FNDC3A: variants seen among roughly 807,000 people sequenced by gnomAD.
The protein encoded by FNDC3A is fibronectin type III domain containing 3A, also known as fibronectin type-III domain-containing protein 3A.
A neutral mutation model predicts 148.9 loss-of-function variants in FNDC3A; 32 were observed. The observed-to-expected ratio is 0.21, with a 90% CI of 0.16 to 0.29. FNDC3A has a LOEUF of 0.29. Ranked by LOEUF, FNDC3A falls within the 10% of genes least tolerant of loss-of-function variation. FNDC3A has a pLI of 1.00. For missense variants in FNDC3A, 1,191 were observed against 1,452.8 expected (o/e 0.82, Z 2.93); for synonymous variants, 472 against 473.6 (o/e 1.00, Z 0.04).
intron 14 of FNDC3A, among the ~76,000 whole-genome samples, chr13:49,182,374 T>G (rs1376890472): frequency 6.6e-6 from 1 of 152,250 alleles, no homozygotes; most frequent in East Asian, 1.9e-4. Context: ...TCTAATTTCA[T>G]CTAATGGTTC....
At chr13:49,120,734 C>G (rs1881283033) in intron 4 of FNDC3A, among the ~76,000 whole-genome samples, 1 of 150,208 alleles carries the variant, frequency 6.7e-6, no homozygotes, top group Admixed American at 6.6e-5. Context: ...CAACAAAGAT[C>G]AAAAAAGACA....
chr13:49,029,379 A>G (rs533737912), intron 2 of FNDC3A, among the ~76,000 whole-genome samples: 14 of 152,326 alleles, frequency 9.2e-5, no homozygotes, highest in African/African-American at 3.4e-4. Context: ...ATGAACGAAA[A>G]CCATGATACA....
At chr13:49,130,805 G>C (rs553338320) in intron 4 of FNDC3A, among the ~76,000 whole-genome samples, 350 of 152,210 alleles carry the variant, frequency 2.3e-3, no homozygotes, top group Middle Eastern at 3.4e-3. Context: ...GTCTTGCTCT[G>C]TTGCCCAGGC....
At position 49,167,287 on chromosome 13, in the gene FNDC3A, A is replaced by G. The variant is rs1346977168; in HGVS notation, c.1021A>G (p.Met341Val). The change falls in exon 9 of 26, where the codon ATG (methionine) becomes GTG (valine). Residue 341 changes from methionine to valine, a missense_variant. Met to Val is a conservative substitution (Grantham distance 21). This residue lies in a region of FNDC3A where 426 missense variants were observed against 473.2 expected (regional missense o/e 0.90). Transcript: ENST00000492622. ...NITLNDLKPA[M>V]DYHAKVQAEY... ...CACTTTAAATGATCTCAAGCCAGCC[A>G]TGGATTACCATGCAAAGTAAGGAAT... The G allele has an allele frequency of 5.0e-6, 8 of 1,603,000 alleles. No individual in the cohort carries two copies. In the African/African-American group the frequency reaches 8.0e-5, roughly 16 times the overall value.
chr13:48,987,397 A>G (rs980115487), intron 1 of FNDC3A, among the ~76,000 whole-genome samples: 1 of 152,238 alleles, frequency 6.6e-6, no homozygotes, highest in Non-Finnish European at 1.5e-5. Context: ...CTTTTTGATC[A>G]AGATTTCCTT....
At chr13:49,098,495 C>A (rs1879668506) in intron 3 of FNDC3A, among the ~76,000 whole-genome samples, 1 of 152,114 alleles carries the variant, frequency 6.6e-6, no homozygotes, top group Non-Finnish European at 1.5e-5. Flanking sequence ...TAGTAATGTT[C>A]ACAACCTGCT....
chr13:49,120,753 A>G (rs764587559), intron 4 of FNDC3A, among the ~76,000 whole-genome samples: 29 of 152,212 alleles, frequency 1.9e-4, no homozygotes, highest in Non-Finnish European at 4.0e-4. Flanking sequence ...CAAGAAGGGT[A>G]TTACATAATG....
intron 3 of FNDC3A, among the ~76,000 whole-genome samples, chr13:49,100,032 A>G (rs1879766525): frequency 6.6e-6 from 1 of 152,148 alleles, no homozygotes; most frequent in African/African-American, 2.4e-5. Context: ...AAATTTTTCA[A>G]TTAAATACCA....
At chr13:49,176,656 C>A (rs1396544441) in intron 13 of FNDC3A, among the ~76,000 whole-genome samples, 2 of 151,882 alleles carry the variant, frequency 1.3e-5, no homozygotes, top group African/African-American at 2.4e-5. Context: ...GAAAAAAAAA[C>A]ATTTTAGTGT....
At chr13:49,008,558 T>C (rs1364812386) in intron 2 of FNDC3A, among the ~76,000 whole-genome samples, 4 of 152,204 alleles carry the variant, frequency 2.6e-5, no homozygotes, top group African/African-American at 9.6e-5. Context: ...ATGATTTCTC[T>C]TCTACTCTTG....
chr13:49,043,734 A>G (rs1341643173), intron 2 of FNDC3A, among the ~76,000 whole-genome samples: 3 of 151,992 alleles, frequency 2.0e-5, no homozygotes, highest in African/African-American at 7.3e-5. Context: ...TATAATTTAT[A>G]TTTACAACCC....
intron 14 of FNDC3A, among the ~76,000 whole-genome samples, chr13:49,183,140 ACTCAT>A: frequency 1.3e-5 from 2 of 152,062 alleles, no homozygotes; most frequent in Middle Eastern, 6.8e-3. Flanking sequence ...CAGATTAACT[ACTCAT>A]CTCTCCCTGA....
intron 2 of FNDC3A, among the ~76,000 whole-genome samples, chr13:49,011,445 G>T (rs1952343406): frequency 6.6e-6 from 1 of 152,132 alleles, no homozygotes; most frequent in Non-Finnish European, 1.5e-5. Context: ...TGTTGGCCAA[G>T]CTGATCTCGA....
At chr13:49,164,348 A>G (rs1470185968) in intron 8 of FNDC3A, among the ~76,000 whole-genome samples, 3 of 152,204 alleles carry the variant, frequency 2.0e-5, no homozygotes, top group East Asian at 3.8e-4. Flanking sequence ...CAGTTTGACT[A>G]TAATTTCATG....
intron 3 of FNDC3A, among the ~76,000 whole-genome samples, chr13:49,101,689 A>C (rs1879863449): frequency 6.6e-6 from 1 of 151,582 alleles, no homozygotes; most frequent in Non-Finnish European, 1.5e-5. Context: ...GTAGCTGTTC[A>C]TTTTGCAACT....
intron 1 of FNDC3A, among the ~76,000 whole-genome samples, chr13:48,993,657 T>C (rs898690890): frequency 2.0e-5 from 3 of 152,190 alleles, no homozygotes; most frequent in African/African-American, 4.8e-5. Context: ...AGGGGTGAAG[T>C]ATACTGATGT....
At chr13:49,207,047 C>G (rs377067324) in intron 25 of FNDC3A, 34 bp from the exon 26 acceptor site, 26 of 1,506,040 alleles carry the variant, frequency 1.7e-5, no homozygotes, top group Non-Finnish European at 2.3e-5. Flanking sequence ...CCAGCCTTCA[C>G]ACGTAATTCT....
chr13:49,101,900 A>G (rs2137840298), intron 3 of FNDC3A, among the ~76,000 whole-genome samples: 1 of 151,986 alleles, frequency 6.6e-6, no homozygotes, highest in Admixed American at 6.6e-5. Flanking sequence ...AACCAACTTA[A>G]CAGCGTGGTC....
At chr13:49,004,895 T>A (rs1213673969) in intron 1 of FNDC3A, among the ~76,000 whole-genome samples, 1 of 151,946 alleles carries the variant, frequency 6.6e-6, no homozygotes, top group Non-Finnish European at 1.5e-5. Flanking sequence ...TTCTCATAAT[T>A]CTTTGTATAT....
Sources: allele counts gnomAD v4.1 joint callset (sites outside exome capture counted in the v4.1 genomes callset), GRCh38; gene constraint gnomAD v4.1.1; regional missense constraint gnomAD v4.1.1; transcripts MANE v1.5; gene names NCBI Gene and HGNC (gene_info 2026-07-23, HGNC 2026-07-21).